PARP9: variants seen among roughly 807,000 people sequenced by gnomAD.
The protein encoded by PARP9 is protein mono-ADP-ribosyltransferase PARP9.
In PARP9, 48 loss-of-function variants were observed where a neutral mutation model predicts 68.8. That is an observed-to-expected ratio of 0.70 (90% CI 0.55 to 0.89). The LOEUF is 0.89. PARP9 is among the 40% of genes least tolerant of loss of function. The pLI, the probability that PARP9 is intolerant of heterozygous loss-of-function variation, is 0.00. For synonymous variants in PARP9, 309 were observed against 333.8 expected (o/e 0.93, Z 0.81); for missense variants, 806 against 969.3 (o/e 0.83, Z 2.24).
At chr3:122,547,414 T>C (rs1209165493) in intron 6 of PARP9, among the ~76,000 whole-genome samples, 1 of 152,004 alleles carries the variant, frequency 6.6e-6, no homozygotes, top group Admixed American at 6.6e-5. Flanking sequence ...ACTATTTTTA[T>C]TATTAGTCCC....
intron 2 of PARP9, among the ~76,000 whole-genome samples, chr3:122,559,244 C>T (rs966767837): frequency 5.9e-5 from 9 of 152,230 alleles, no homozygotes; most frequent in Admixed American, 3.3e-4. Flanking sequence ...TGGTACAAAC[C>T]TTAATGTGGA....
intron 8 of PARP9, among the ~76,000 whole-genome samples, chr3:122,539,543 C>CTT (rs2077984069): frequency 2.4e-5 from 1 of 41,104 alleles, no homozygotes; most frequent in Non-Finnish European, 6.1e-5. Flanking sequence ...TTCTTTCTTT[C>CTT]TTTCTTTCTT....
intron 6 of PARP9, among the ~76,000 whole-genome samples, chr3:122,548,658 C>T (rs1167285580): frequency 6.6e-6 from 1 of 152,152 alleles, no homozygotes; most frequent in Non-Finnish European, 1.5e-5. Context: ...ATGCTAGGAA[C>T]TCAGCTTGAT....
At chr3:122,556,731 TTA>T (rs781629977) in intron 3 of PARP9, among the ~76,000 whole-genome samples, 132 of 152,288 alleles carry the variant, frequency 8.7e-4, no homozygotes, top group Non-Finnish European at 1.7e-3. Context: ...CAGATGGAAC[TTA>T]ACTCTACTGG....
intron 7 of PARP9, among the ~76,000 whole-genome samples, chr3:122,544,966 T>G (rs970340851): frequency 6.6e-6 from 1 of 152,210 alleles, no homozygotes; most frequent in Non-Finnish European, 1.5e-5. Flanking sequence ...TTGGGGGTTT[T>G]GCGTTTGTTT....
chr3:122,563,833 C>T lies in PARP9; in HGVS notation c.-90+412G>A, dbSNP rs1408950365. ...TCCGCCTCCCCTCACCAGCCCTTGA[C>T]ATCAGGGCCTTGCTCTGCTCTTTGG... On this transcript the variant is annotated intron_variant, in intron 1 of 10. Coordinates refer to ENST00000682323, the MANE Select transcript of PARP9 (RefSeq NM_001146105.2). 3.9e-5 allele frequency among the ~76,000 whole-genome samples: 6 copies of T among 152,266 alleles called. No individual in the cohort carries two copies. In the East Asian group the frequency reaches 1.2e-3, roughly 29 times the overall value.
chr3:122,564,376 T>C (rs2080503719), upstream of PARP9: 1 of 1,556,108 alleles, frequency 6.4e-7, no homozygotes. Context: ...GCCGCGCCTT[T>C]ACCGCCCAGC....
chr3:122,553,062 T>C (rs1364941873), intron 4 of PARP9, among the ~76,000 whole-genome samples: 1 of 152,224 alleles, frequency 6.6e-6, no homozygotes, highest in African/African-American at 2.4e-5. Context: ...ATAAAATTTC[T>C]TGGAGAATTT....
chr3:122,563,502 T>C (rs911659234), intron 1 of PARP9, among the ~76,000 whole-genome samples: 3 of 152,218 alleles, frequency 2.0e-5, no homozygotes, highest in Admixed American at 6.5e-5. Context: ...ATTAATTTCA[T>C]CTGTTTCTTT....
In PARP9 at chr3:122,527,996, T is replaced by G. The variant is rs1157266054; in HGVS notation, c.*368A>C. The G allele has an allele frequency of 1.9e-5, 3 of 157,058 alleles. No individual in the cohort carries two copies. The highest frequency in any genetic ancestry group is 4.2e-5 in the Non-Finnish European group (3 of 71,510). The allele number at this position is 157,058 out of a possible 1,614,324, so 9.7% of individuals were successfully genotyped here. A position where few individuals can be genotyped will look rare whatever the true frequency, so the allele number is the denominator to read the frequency against. Reference sequence around the variant, plus strand: ...TATTCTCTGGAAAATCTAAAATCATTCTGTTATCCTAACATTTTTATACTA... The same window carrying G: ...TATTCTCTGGAAAATCTAAAATCATGCTGTTATCCTAACATTTTTATACTA... On this transcript the variant is annotated 3_prime_UTR_variant, in exon 11 of 11. Transcript: ENST00000682323.
Position 122,539,135 on chromosome 3 carries a change from C to T in PARP9, c.1765+1337G>A, listed in dbSNP as rs568074798. Among the ~76,000 whole-genome samples the T allele has an allele frequency of 1.6e-3, 241 of 152,290 alleles. 1 individual carries two copies. Among genetic ancestry groups the T allele is most frequent in the Non-Finnish European group, 2.6e-3 (177 of 68,004 alleles). On this transcript the variant is annotated intron_variant, in intron 8 of 10. Coordinates refer to ENST00000682323, the MANE Select transcript of PARP9 (RefSeq NM_001146105.2). ...TTTCAAGAAACTCTCTGTACTCTTT[C>T]ACGTGATTTATAAGGTCTTGCATAA... is the stretch of plus-strand genomic sequence containing the variant.
In PARP9 at chr3:122,555,601, G is replaced by A. The variant is rs144621578; in HGVS notation, c.570C>T (p.Ile190=). The change falls in exon 4 of 11, where the codon ATC becomes ATT. Residue 190 remains isoleucine (I), a synonymous_variant. Transcript: ENST00000682323. ...CTGTCTTAATGTGAGTATTTTTATAGATGACATAATTCAGAATACTTACAA... is the reference window on the plus strand; with the variant it reads ...CTGTCTTAATGTGAGTATTTTTATAAATGACATAATTCAGAATACTTACAA... The part of the protein sequence containing the change: ...RAIVSILNYV[I]YKNTHIKTVA... 1 of 1,614,104 alleles carries A rather than the reference G, an allele frequency of 6.2e-7. No homozygotes were observed.
intron 10 of PARP9, chr3:122,534,555 T>C (rs1354227457): frequency 1.7e-6 from 1 of 598,102 alleles, no homozygotes; most frequent in African/African-American, 2.0e-5. Flanking sequence ...AATGAGTATG[T>C]TGGGGGCAGT....
At chr3:122,537,501 T>C (rs2077739890) in intron 8 of PARP9, among the ~76,000 whole-genome samples, 1 of 152,240 alleles carries the variant, frequency 6.6e-6, no homozygotes, top group Non-Finnish European at 1.5e-5. Flanking sequence ...AATTTTCAGT[T>C]TCCTTCCTTA....
intron 2 of PARP9, among the ~76,000 whole-genome samples, chr3:122,558,671 T>C (rs891075609): frequency 6.6e-6 from 1 of 152,220 alleles, no homozygotes; most frequent in African/African-American, 2.4e-5. Context: ...ATTGGCCCTA[T>C]GTCATTTCCC....
At chr3:122,556,238 G>T (rs1454634036) in intron 3 of PARP9, 117 bp from the exon 4 acceptor site, 2 of 674,666 alleles carry the variant, frequency 3.0e-6, no homozygotes, top group Non-Finnish European at 4.7e-6. Flanking sequence ...GTGCAAAAGA[G>T]AGATGAACTT....
chr3:122,528,268 G>C lies in PARP9; in HGVS notation c.*96C>G. The C allele has an allele frequency of 6.9e-7, 1 of 1,444,558 alleles. No homozygotes were observed. Among genetic ancestry groups the C allele is most frequent in the Non-Finnish European group, 9.4e-7 (1 of 1,061,358 alleles). The allele number at this position is 1,444,558 out of a possible 1,614,324, so 89.5% of individuals were successfully genotyped here. Reference sequence around the variant, plus strand: ...CAGTCAGTCCATACAGATAACCCATGGGATATATTCAAGCCACTCTTTGAG... The same window carrying C: ...CAGTCAGTCCATACAGATAACCCATCGGATATATTCAAGCCACTCTTTGAG... On this transcript the variant is annotated 3_prime_UTR_variant, in exon 11 of 11. Transcript: ENST00000682323.
At position 122,556,066 on chromosome 3, in the gene PARP9, G is replaced by A. The variant is rs1026529444; in HGVS notation, c.105C>T (p.Asp35=). The A allele has an allele frequency of 6.1e-6, 9 of 1,476,850 alleles. No homozygotes were observed. The South Asian group carries it at 7.8e-5, about 13-fold the overall frequency. The allele number at this position is 1,476,850 out of a possible 1,614,324, so 91.5% of individuals were successfully genotyped here. ...GCTCATTATTTTTTAAAATTTTGAA[G>A]TCATTGTGGTTAATGGGAATTTGCC... ...YSWQIPINHN[D]FKILKNNERQ... is the part of the protein sequence containing the mutation. Residue 35 remains aspartate, a synonymous_variant, in exon 4 of 11, where the codon GAC becomes GAT. Transcript: ENST00000682323.
intron 3 of PARP9, 129 bp downstream of exon 3, chr3:122,558,305 C>G: frequency 6.2e-7 from 1 of 1,611,246 alleles, no homozygotes; most frequent in East Asian, 2.2e-5. Context: ...GCGGGGGTCC[C>G]CACAAGGGTC....
Sources: allele counts gnomAD v4.1 joint callset (sites outside exome capture counted in the v4.1 genomes callset), GRCh38; gene constraint gnomAD v4.1.1; transcripts MANE v1.5; gene names NCBI Gene and HGNC (gene_info 2026-07-23, HGNC 2026-07-21).